The following TENM3 variants were observed in gnomAD, a reference collection of about 807,000 sequenced individuals.
TENM3 encodes the protein teneurin transmembrane protein 3, also known as teneurin-3.
Under a neutral mutation model 255.1 loss-of-function variants are expected in TENM3, and 63 were observed. The observed-to-expected ratio is 0.25, with a 90% CI of 0.20 to 0.30. TENM3 has a LOEUF of 0.30. TENM3 is among the 10% of genes least tolerant of loss of function. The pLI, the probability that TENM3 is intolerant of heterozygous loss-of-function variation, is 1.00. For missense variants in TENM3, 2,929 were observed against 3,461.1 expected (o/e 0.85, Z 3.86); for synonymous variants, 1,306 against 1,322.3 (o/e 0.99, Z 0.27).
At chr4:181,511,672 A>C in the TENM3 span, among the ~76,000 whole-genome samples, 1 of 152,126 alleles carries the variant, frequency 6.6e-6, no homozygotes, top group African/African-American at 2.4e-5. Flanking sequence ...ACTTGCCTAC[A>C]TGACAAACCA....
chr4:181,581,003 C>T, the TENM3 span, among the ~76,000 whole-genome samples: 1 of 152,132 alleles, frequency 6.6e-6, no homozygotes, highest in Non-Finnish European at 1.5e-5. Flanking sequence ...CCTTGAAAGC[C>T]CAGGGCATAC....
At chr4:182,467,092 A>G (rs1457122978) in intron 3 of TENM3, among the ~76,000 whole-genome samples, 1 of 152,192 alleles carries the variant, frequency 6.6e-6, no homozygotes, top group African/African-American at 2.4e-5. Context: ...TTTTTATTTC[A>G]GAATTTTAAA....
chr4:181,469,117 C>T, the TENM3 span, among the ~76,000 whole-genome samples: 1 of 152,138 alleles, frequency 6.6e-6, no homozygotes, highest in Non-Finnish European at 1.5e-5. Context: ...TGTCAATTGT[C>T]ATGGGTATAT....
chr4:182,638,337 A>C (rs979898057), intron 5 of TENM3, among the ~76,000 whole-genome samples: 1 of 152,208 alleles, frequency 6.6e-6, no homozygotes, highest in African/African-American at 2.4e-5. Flanking sequence ...AAGAAATTAA[A>C]AACATACAGA....
chr4:182,309,372 T>C (rs944651982), intron 1 of TENM3, among the ~76,000 whole-genome samples: 1 of 152,198 alleles, frequency 6.6e-6, no homozygotes. Context: ...TAATTTTGCC[T>C]GTGGGTAACA....
At chr4:181,903,443 T>C in the TENM3 span, among the ~76,000 whole-genome samples, 9,754 of 152,200 alleles carry the variant, frequency 0.064, 425 homozygotes, top group East Asian at 0.25. Context: ...ACTGTTCCTG[T>C]CCCCTCCTTT....
chr4:181,738,780 G>A, the TENM3 span, among the ~76,000 whole-genome samples: 2 of 152,020 alleles, frequency 1.3e-5, no homozygotes, highest in African/African-American at 4.8e-5. Flanking sequence ...TATTTCCCTT[G>A]TAGAATCTGA....
chr4:181,729,519 C>A, the TENM3 span, among the ~76,000 whole-genome samples: 1 of 152,154 alleles, frequency 6.6e-6, no homozygotes, highest in African/African-American at 2.4e-5. Context: ...ATTTGTTTTA[C>A]AAATTAAATT....
chr4:182,552,721 G>A (rs1742174394), intron 3 of TENM3, among the ~76,000 whole-genome samples: 1 of 152,222 alleles, frequency 6.6e-6, no homozygotes, highest in Non-Finnish European at 1.5e-5. Context: ...GGGAAAGGAA[G>A]AAGTGGATTA....
the TENM3 span, among the ~76,000 whole-genome samples, chr4:181,696,002 C>CT: frequency 6.6e-6 from 1 of 151,714 alleles, no homozygotes; most frequent in Non-Finnish European, 1.5e-5. Flanking sequence ...TTGGAAATGT[C>CT]ATTTAGAAGA....
upstream of TENM3, among the ~76,000 whole-genome samples, chr4:182,139,722 A>G (rs1415198797): frequency 1.3e-5 from 2 of 152,216 alleles, no homozygotes; most frequent in Non-Finnish European, 2.9e-5. Flanking sequence ...GGTGTTCAAA[A>G]TCCTTCGCAA....
intron 1 of TENM3, among the ~76,000 whole-genome samples, chr4:182,176,438 T>G (rs981504510): frequency 6.6e-6 from 1 of 152,230 alleles, no homozygotes; most frequent in Non-Finnish European, 1.5e-5. Context: ...GTAAACATGT[T>G]GAAATCGTAC....
intron 5 of TENM3, among the ~76,000 whole-genome samples, chr4:182,650,085 C>A (rs970679332): frequency 6.6e-6 from 1 of 150,572 alleles, no homozygotes; most frequent in Non-Finnish European, 1.5e-5. Flanking sequence ...TTCAACAGAA[C>A]CTTTGTGAAG....
chr4:182,404,699 C>T (rs1264698793), intron 3 of TENM3, among the ~76,000 whole-genome samples: 1 of 152,146 alleles, frequency 6.6e-6, no homozygotes, highest in Non-Finnish European at 1.5e-5. Context: ...CAATCTGCAG[C>T]GTGTAAATAA....
chr4:181,940,607 G>A, the TENM3 span, among the ~76,000 whole-genome samples: 2 of 152,214 alleles, frequency 1.3e-5, no homozygotes, highest in African/African-American at 4.8e-5. Flanking sequence ...AGGATATGGT[G>A]ATAAGACTGC....
chr4:182,146,919 G>C (rs930874810), intron 1 of TENM3, among the ~76,000 whole-genome samples: 1 of 152,098 alleles, frequency 6.6e-6, no homozygotes, highest in African/African-American at 2.4e-5. Flanking sequence ...AAATTATTGA[G>C]GCTTTTCTTA....
At chr4:182,456,201 A>G (rs1451633853) in intron 3 of TENM3, among the ~76,000 whole-genome samples, 1 of 152,238 alleles carries the variant, frequency 6.6e-6, no homozygotes, top group African/African-American at 2.4e-5. Context: ...GGAGCTGATA[A>G]GGCTGAGTAT....
chr4:182,589,484 A>G (rs1746382353), intron 3 of TENM3, among the ~76,000 whole-genome samples: 1 of 141,904 alleles, frequency 7.0e-6, no homozygotes, highest in Non-Finnish European at 1.5e-5. Flanking sequence ...ATCATTCTGA[A>G]CATGCTTACA....
chr4:182,702,198 C>T (rs1165563412), intron 12 of TENM3, among the ~76,000 whole-genome samples: 1 of 152,012 alleles, frequency 6.6e-6, no homozygotes, highest in Non-Finnish European at 1.5e-5. Context: ...AGGAATTGTG[C>T]ATCTAACCAG....
Sources: allele counts gnomAD v4.1 joint callset (sites outside exome capture counted in the v4.1 genomes callset), GRCh38; gene constraint gnomAD v4.1.1; transcripts MANE v1.5; gene names NCBI Gene and HGNC (gene_info 2026-07-23, HGNC 2026-07-21).